MKS1: variants seen among roughly 807,000 people sequenced by gnomAD.
The protein encoded by MKS1 is MKS transition zone complex subunit 1, also known as tectonic-like complex member MKS1.
Under a neutral mutation model 83.7 loss-of-function variants are expected in MKS1, and 70 were observed. That is an observed-to-expected ratio of 0.84 (90% CI 0.69 to 1.02). The LOEUF (loss-of-function observed/expected upper bound fraction) is 1.02. Among genes scored for constraint, MKS1 ranks in the 50% least tolerant of loss-of-function variants. The pLI is 0.00. For missense variants in MKS1, 681 were observed against 726.9 expected (o/e 0.94, Z 0.73); for synonymous variants, 251 against 273.4 (o/e 0.92, Z 0.81).
At chr17:58,210,514 A>G (rs533240143) in intron 11 of MKS1, 145 bp downstream of exon 11, 2 of 847,050 alleles carry the variant, frequency 2.4e-6, no homozygotes, top group Non-Finnish European at 3.9e-6. Flanking sequence ...GGAAGTCTCC[A>G]CTGGGTTTGG....
chr17:58,217,634 C>T (rs569664413), intron 2 of MKS1, among the ~76,000 whole-genome samples: 1 of 152,186 alleles, frequency 6.6e-6, no homozygotes, highest in South Asian at 2.1e-4. Context: ...CATAGCAAGA[C>T]CTTTTCTCTA....
Position 58,208,139 on chromosome 17 carries a change from A to G in MKS1, c.1131T>C (p.Phe377=). 1 of 1,614,008 alleles carries G rather than the reference A, an allele frequency of 6.2e-7. No homozygotes were observed. The highest frequency in any genetic ancestry group is 1.1e-5 in the South Asian group (1 of 91,080). ...CATCCTCATGGAGGAAGAAGGCTTC[A>G]AACGTGAATGGGTAGGAGAAGTGAG... ...KVAHFSYPFT[F]EAFFLHEDES... Residue 377 remains phenylalanine (F), a synonymous_variant, in exon 13 of 18, where the codon TTT becomes TTC. Transcript: ENST00000393119.
At chr17:58,217,413 C>A (rs1969283195) in intron 2 of MKS1, among the ~76,000 whole-genome samples, 1 of 152,238 alleles carries the variant, frequency 6.6e-6, no homozygotes, top group South Asian at 2.1e-4. Flanking sequence ...GCATTTTTAT[C>A]TTTACTATTT....
intron 5 of MKS1, 24 bp from the exon 6 acceptor site, chr17:58,214,411 A>T: frequency 6.2e-7 from 1 of 1,612,390 alleles, no homozygotes; most frequent in African/African-American, 1.3e-5. Context: ...CAGAAAGGTC[A>T]CTTCCCTGGC....
At chr17:58,207,423 A>G (rs986351066) in intron 14 of MKS1, 54 of 661,002 alleles carry the variant, frequency 8.2e-5, no homozygotes, top group Non-Finnish European at 1.2e-4. Flanking sequence ...TCTGCCAGTT[A>G]TTACCTGCAT....
At position 58,214,359 on chromosome 17, in the gene MKS1, C is replaced by T. The variant is rs200185068; in HGVS notation, c.544G>A (p.Val182Ile). 591 of 1,613,660 alleles carry T rather than the reference C, an allele frequency of 3.7e-4. 1 individual carries two copies. The highest frequency in any genetic ancestry group is 1.1e-3 in the Admixed American group (65 of 60,012). ...AACTCTTCTGAGGGCTCCCAGGTGACGATGCGTGACTTGAGGATGCCGCCC... is the reference window on the plus strand; with the variant it reads ...AACTCTTCTGAGGGCTCCCAGGTGATGATGCGTGACTTGAGGATGCCGCCC... ...MEGGILKSRIVTWEPSEEFVR... is the reference protein window; with the variant it reads ...MEGGILKSRIITWEPSEEFVR... The change falls in exon 6 of 18, where the codon GTC (valine) becomes ATC (isoleucine). Residue 182 changes from valine (V) to isoleucine (I), a missense_variant. By Grantham distance (29) the Val-to-Ile change is conservative (BLOSUM62 3). This residue lies in a region of MKS1 where 365 missense variants were observed against 383.8 expected (regional missense o/e 0.95). Coordinates refer to ENST00000393119, the MANE Select transcript of MKS1 (RefSeq NM_017777.4).
At chr17:58,217,986 C>T (rs1969325577) in intron 2 of MKS1, among the ~76,000 whole-genome samples, 1 of 152,204 alleles carries the variant, frequency 6.6e-6, no homozygotes, top group African/African-American at 2.4e-5. Context: ...CCACTCTGTC[C>T]TCTCCTCCTC....
Position 58,207,948 on chromosome 17 carries a change from A to C in MKS1, c.1219T>G (p.Trp407Gly). The C allele has an allele frequency of 6.2e-7, 1 of 1,614,168 alleles. No homozygotes were observed. The highest frequency in any genetic ancestry group is 8.5e-7 in the Non-Finnish European group (1 of 1,180,036). Reference protein sequence around the residue: ...LYCEVLSLDFWQRYRVEGYGA... With the variant: ...LYCEVLSLDFGQRYRVEGYGA... ...TAGCCTTCCACACGGTACCTCTGCCAGAAGTCCAGCGAGAGGACCTCACAG... is the reference window on the plus strand; with the variant it reads ...TAGCCTTCCACACGGTACCTCTGCCCGAAGTCCAGCGAGAGGACCTCACAG... Residue 407 changes from tryptophan to glycine, a missense_variant, in exon 14 of 18, where the codon TGG becomes GGG. By Grantham distance (184) the Trp-to-Gly change is radical. Transcript: ENST00000393119.
intron 7 of MKS1, among the ~76,000 whole-genome samples, chr17:58,213,503 A>T (rs1969005437): frequency 6.6e-6 from 1 of 152,232 alleles, no homozygotes; most frequent in African/African-American, 2.4e-5. Context: ...CAGGTCCTAC[A>T]TTCAGCAGCA....
intron 5 of MKS1, 59 bp from the exon 6 acceptor site, chr17:58,214,446 G>A (rs532802840): frequency 2.9e-4 from 470 of 1,611,330 alleles, no homozygotes; most frequent in South Asian, 9.0e-4. Context: ...CACCCCAGTG[G>A]AGAGCCACTT....
chr17:58,207,926 C>G lies in MKS1; in HGVS notation c.1241G>C (p.Gly414Ala). The change falls in exon 14 of 18, where the codon GGC becomes GCC. Residue 414 changes from glycine (G) to alanine (A), a missense_variant. Gly to Ala is a moderately conservative substitution (Grantham distance 60). Around this residue, in one of 3 missense-constraint regions of MKS1, gnomAD observed 310 missense variants for 321.7 expected, o/e 0.96. Coordinates refer to ENST00000393119, the MANE Select transcript of MKS1 (RefSeq NM_017777.4). ...GGCAGGCAGCACCACAGCCCCATAGCCTTCCACACGGTACCTCTGCCAGAA... is the reference window on the plus strand; with the variant it reads ...GGCAGGCAGCACCACAGCCCCATAGGCTTCCACACGGTACCTCTGCCAGAA... ...LDFWQRYRVE[G>A]YGAVVLPATP... The G allele has an allele frequency of 3.1e-6, 5 of 1,614,062 alleles. No homozygotes were observed. Among genetic ancestry groups the G allele is most frequent in the Non-Finnish European group, 4.2e-6 (5 of 1,179,996 alleles).
Position 58,218,608 on chromosome 17 carries a change from C to T in MKS1, c.190+12G>A, listed in dbSNP as rs1310865080. The T allele has an allele frequency of 3.8e-6, 6 of 1,574,910 alleles. No individual in the cohort carries two copies. The Admixed American group carries it at 5.0e-5, about 13-fold the overall frequency. On this transcript the variant is annotated intron_variant, in intron 2 of 17. Coordinates refer to ENST00000393119, the MANE Select transcript of MKS1 (RefSeq NM_017777.4). ...TTAGTATTAGATGGCACATCACCAC[C>T]GTAACACCCACTGGCAGTTGGCTGA...
Position 58,205,870 on chromosome 17 carries a change from G to T in MKS1, c.*209C>A. On this transcript the variant is annotated 3_prime_UTR_variant, in exon 18 of 18. Coordinates refer to ENST00000393119, the MANE Select transcript of MKS1 (RefSeq NM_017777.4). ...ACAGTGGCTGCAAATATAAAGGGGG[G>T]GCCACAGGGTCTCTGGCTTTATTTC... is the stretch of plus-strand genomic sequence containing the variant. 7.0e-7 allele frequency: 1 copy of T among 1,431,574 alleles called. No homozygotes were observed. The highest frequency in any genetic ancestry group is 9.2e-7 in the Non-Finnish European group (1 of 1,087,236). 88.7% of individuals were successfully genotyped at this position (1,431,574 alleles called of 1,614,324 possible). A position where few individuals can be genotyped will look rare whatever the true frequency, so the allele number is the denominator to read the frequency against.
At chr17:58,218,324 T>G (rs1294174087) in intron 2 of MKS1, among the ~76,000 whole-genome samples, 1 of 151,692 alleles carries the variant, frequency 6.6e-6, no homozygotes. Context: ...GGCGGGCGCC[T>G]GTAGTCCCAG....
In MKS1 at chr17:58,207,875, G is replaced by T; in HGVS notation, c.1273+19C>A. The T allele has an allele frequency of 6.2e-7, 1 of 1,602,390 alleles. No individual in the cohort carries two copies. ...GCCTAGGGCATGTGGGCCACAGAAG[G>T]GCAGAGACGAGCGGTTACCTGGAGT... On this transcript the variant is annotated intron_variant, in intron 14 of 17. Transcript: ENST00000393119.
rs748133097 is a variant in MKS1, at chr17:58,218,664, T to C, written c.146A>G (p.Lys49Arg). 1.2e-6 allele frequency: 2 copies of C among 1,614,002 alleles called. No individual in the cohort carries two copies. Among genetic ancestry groups the C allele is most frequent in the South Asian group, 1.1e-5 (1 of 91,080 alleles). Residue 49 changes from lysine to arginine, a missense_variant, in exon 2 of 18, where the codon AAG (lysine) becomes AGG (arginine). By Grantham distance (26) the Lys-to-Arg change is conservative (BLOSUM62 2). Transcript: ENST00000393119. ...AAAAGTGGCCAAGTCTATGAGGTCC[T>C]TCCCGAGCTCGGCAGCAGGCTGATA... ...LHYQPAAELG[K>R]DLIDLATFRP...
rs747931678 is a variant in MKS1, at chr17:58,207,066, C to T, written c.1407+19G>A. ...ACCATAAGTTCTCAGCGTGAAGTCA[C>T]TCCAAAGACAAAAGTCACCTTGAAG... On this transcript the variant is annotated intron_variant, in intron 15 of 17. Coordinates refer to ENST00000393119, the MANE Select transcript of MKS1 (RefSeq NM_017777.4). The T allele has an allele frequency of 1.2e-6, 2 of 1,614,172 alleles. No homozygotes were observed. The highest frequency in any genetic ancestry group is 2.2e-5 in the South Asian group (2 of 91,080).
At position 58,205,502 on chromosome 17, in the gene MKS1, A is replaced by T; in HGVS notation, c.*577T>A. On this transcript the variant is annotated 3_prime_UTR_variant, in exon 18 of 18. Coordinates refer to ENST00000393119, the MANE Select transcript of MKS1 (RefSeq NM_017777.4). ...AAACAAACAAACAAAAAAACACAGT[A>T]AAAGATACCACCCAGCTAGCAGAAA... is the stretch of plus-strand genomic sequence containing the variant. The T allele has an allele frequency of 7.8e-7, 1 of 1,274,842 alleles. No individual in the cohort carries two copies. Among genetic ancestry groups the T allele is most frequent in the Non-Finnish European group, 1.0e-6 (1 of 978,782 alleles). 79.0% of individuals were successfully genotyped at this position (1,274,842 alleles called of 1,614,324 possible).
At chr17:58,213,700 G>T in intron 7 of MKS1, 65 bp downstream of exon 7, 1 of 1,225,868 alleles carries the variant, frequency 8.2e-7, no homozygotes, top group Non-Finnish European at 1.2e-6. Context: ...TAGTTGACTA[G>T]GGACAAAAAG....
Sources: gnomAD v4.1 joint callset for allele counts (sites outside exome capture counted in the v4.1 genomes callset) on GRCh38, gnomAD v4.1.1 for gene constraint, gnomAD v4.1.1 regional missense constraint, MANE v1.5 for transcripts, NCBI Gene and HGNC (gene_info 2026-07-23, HGNC 2026-07-21) for gene names.